ELOVL2: variants seen among roughly 807,000 people sequenced by gnomAD.
ELOVL2 encodes ELOVL fatty acid elongase 2, also known as very long chain fatty acid elongase 2.
A neutral mutation model predicts 37.7 loss-of-function variants in ELOVL2; 38 were observed. The observed-to-expected ratio is 1.01, with a 90% CI of 0.78 to 1.32. ELOVL2 has a LOEUF of 1.32. Ranked by LOEUF, ELOVL2 falls within the 40% of genes most tolerant of loss-of-function variation. The probability of loss-of-function intolerance (pLI) is 0.00; values close to 1 mark genes in which losing one functional copy is unlikely to be tolerated. For synonymous variants in ELOVL2, 115 were observed against 122.3 expected, an observed-to-expected ratio of 0.94 and a Z score of 0.40; for missense variants, 352 against 363.6, an observed-to-expected ratio of 0.97 and a Z score of 0.26.
chr6:11,000,943 CT>C (rs1432987711), intron 3 of ELOVL2, among the ~76,000 whole-genome samples: 1 of 152,124 alleles, frequency 6.6e-6, no homozygotes, highest in African/African-American at 2.4e-5. Context: ...AGAAAATGAG[CT>C]TTTTTATTCT....
At chr6:11,007,417 G>A (rs1408209155) in intron 2 of ELOVL2, among the ~76,000 whole-genome samples, 3 of 152,194 alleles carry the variant, frequency 2.0e-5, no homozygotes, top group Non-Finnish European at 4.4e-5. Flanking sequence ...AGACGGCCAT[G>A]TGAAGAGGGA....
chr6:11,015,001 G>A (rs1246699699), intron 1 of ELOVL2, among the ~76,000 whole-genome samples: 1 of 152,120 alleles, frequency 6.6e-6, no homozygotes, highest in East Asian at 1.9e-4. Context: ...GACAAATTGT[G>A]TATAGCCATA....
chr6:10,982,525 T>C lies in ELOVL2; in HGVS notation c.*1256A>G, dbSNP rs1232845529. ...AGAAAATATTCTTTGTTTCCATTCT[T>C]GGTAGAGTTTAGTAGTGAGTAACAG... On this transcript the variant is annotated 3_prime_UTR_variant, in exon 8 of 8. Transcript: ENST00000354666. 1 of 152,236 alleles carries C rather than the reference T, an allele frequency of 6.6e-6. No individual in the cohort carries two copies. Among genetic ancestry groups the C allele is most frequent in the Non-Finnish European group, 1.5e-5 (1 of 68,036 alleles). The allele number at this position is 152,236 out of a possible 1,614,324, so 9.4% of individuals were successfully genotyped here.
chr6:10,996,551 T>A (rs577090068), intron 4 of ELOVL2, among the ~76,000 whole-genome samples: 1 of 152,004 alleles, frequency 6.6e-6, no homozygotes, highest in African/African-American at 2.4e-5. Context: ...GCACCTGTAG[T>A]CCCAGCTACT....
chr6:10,995,082 A>G lies in ELOVL2; in HGVS notation c.430T>C (p.Phe144Leu). Residue 144 changes from phenylalanine to leucine, a missense_variant, in exon 5 of 8, where the codon TTT (phenylalanine) becomes CTT (leucine). Coordinates refer to ENST00000354666, the MANE Select transcript of ELOVL2 (RefSeq NM_017770.4). ...GAAGCATGATGATATACATGAAGAAAAGTAATCTGACTCGTTTTTTTCCGC... is the reference window on the plus strand; with the variant it reads ...GAAGCATGATGATATACATGAAGAAGAGTAATCTGACTCGTTTTTTTCCGC... The part of the protein sequence containing the change: ...VLRKKTSQIT[F>L]LHVYHHASMF... 1 of 1,613,580 alleles carries G rather than the reference A, an allele frequency of 6.2e-7. No individual in the cohort carries two copies. The highest frequency in any genetic ancestry group is 1.3e-5 in the African/African-American group (1 of 75,066).
At chr6:11,004,976 C>T (rs888834367) in intron 3 of ELOVL2, among the ~76,000 whole-genome samples, 1 of 152,200 alleles carries the variant, frequency 6.6e-6, no homozygotes, top group African/African-American at 2.4e-5. Flanking sequence ...CTGGGCAACA[C>T]AGTGAAACCC....
At chr6:11,030,991 A>G (rs1397949607) in intron 1 of ELOVL2, among the ~76,000 whole-genome samples, 2 of 152,194 alleles carry the variant, frequency 1.3e-5, no homozygotes, top group African/African-American at 4.8e-5. Flanking sequence ...AGATATTCAC[A>G]AGCAAAAATA....
Position 10,983,690 on chromosome 6 carries a change from T to C in ELOVL2, c.*91A>G. 7.3e-7 allele frequency: 1 copy of C among 1,371,754 alleles called. No homozygotes were observed. 85.0% of individuals were successfully genotyped at this position (1,371,754 alleles called of 1,614,324 possible). ...TTTATGAACTCAAAAGAAATTAGTT[T>C]ATCCTAAAACATGTAACCTTCAATT... On this transcript the variant is annotated 3_prime_UTR_variant, in exon 8 of 8. Coordinates refer to ENST00000354666, the MANE Select transcript of ELOVL2 (RefSeq NM_017770.4).
chr6:11,006,619 T>TA (rs1782488173), intron 2 of ELOVL2, among the ~76,000 whole-genome samples: 1 of 152,214 alleles, frequency 6.6e-6, no homozygotes, highest in Admixed American at 6.5e-5. Flanking sequence ...AGCCTCTTGT[T>TA]AAACCACCCG....
At chr6:10,985,156 A>G (rs1782024305) in intron 7 of ELOVL2, among the ~76,000 whole-genome samples, 1 of 152,088 alleles carries the variant, frequency 6.6e-6, no homozygotes, top group Non-Finnish European at 1.5e-5. Context: ...GGCTGCATAA[A>G]TGTCTTCTTT....
intron 1 of ELOVL2, among the ~76,000 whole-genome samples, chr6:11,018,595 A>C (rs559313669): frequency 1.1e-4 from 17 of 152,290 alleles, no homozygotes; most frequent in Admixed American, 3.3e-4. Context: ...GTTCTCATTC[A>C]ATTGGTCTAG....
intron 7 of ELOVL2, among the ~76,000 whole-genome samples, chr6:10,985,386 T>C (rs894859801): frequency 2.8e-4 from 42 of 149,260 alleles, no homozygotes; most frequent in South Asian, 8.7e-4. Context: ...TTTGTCAATT[T>C]TGGCTTTTGT....
At chr6:11,034,387 T>TA (rs961697988) in intron 1 of ELOVL2, among the ~76,000 whole-genome samples, 18 of 152,096 alleles carry the variant, frequency 1.2e-4, no homozygotes, top group Non-Finnish European at 2.4e-4. Context: ...TTCACACATT[T>TA]AAAAAACACT....
intron 1 of ELOVL2, among the ~76,000 whole-genome samples, chr6:11,011,129 C>T (rs1782571337): frequency 6.6e-6 from 1 of 152,106 alleles, no homozygotes; most frequent in African/African-American, 2.4e-5. Flanking sequence ...CTTTGGGAGG[C>T]TGAGGCAGGC....
intron 4 of ELOVL2, among the ~76,000 whole-genome samples, chr6:10,997,448 A>T (rs1371521680): frequency 6.6e-6 from 1 of 152,166 alleles, no homozygotes; most frequent in Non-Finnish European, 1.5e-5. Context: ...TCTTTTTATA[A>T]TTAGTTTAAA....
chr6:11,012,425 C>G (rs1782600639), intron 1 of ELOVL2, among the ~76,000 whole-genome samples: 1 of 152,182 alleles, frequency 6.6e-6, no homozygotes, highest in South Asian at 2.1e-4. Flanking sequence ...ATGGGGGCGG[C>G]TGACCAGAGG....
At chr6:11,011,161 G>A (rs1305937486) in intron 1 of ELOVL2, among the ~76,000 whole-genome samples, 7 of 151,930 alleles carry the variant, frequency 4.6e-5, no homozygotes, top group African/African-American at 9.7e-5. Flanking sequence ...TCAGGAGATC[G>A]AGACCATCCT....
intron 5 of ELOVL2, among the ~76,000 whole-genome samples, chr6:10,991,614 T>C (rs1782160276): frequency 6.6e-6 from 1 of 152,190 alleles, no homozygotes; most frequent in South Asian, 2.1e-4. Context: ...TCTGGATAGC[T>C]AAATGCAAAT....
At chr6:11,039,270 A>G (rs536303910) in intron 1 of ELOVL2, among the ~76,000 whole-genome samples, 3 of 152,374 alleles carry the variant, frequency 2.0e-5, no homozygotes, top group East Asian at 3.9e-4. Flanking sequence ...GCTAGAACCC[A>G]GGTTTCTTGA....
Sources: allele counts gnomAD v4.1 joint callset (sites outside exome capture counted in the v4.1 genomes callset), GRCh38; gene constraint gnomAD v4.1.1; transcripts MANE v1.5; gene names NCBI Gene and HGNC (gene_info 2026-07-23, HGNC 2026-07-21).